NSL1: variants seen among roughly 807,000 people sequenced by gnomAD.
The protein encoded by NSL1 is kinetochore-associated protein NSL1 homolog.
Under a neutral mutation model 25.4 loss-of-function variants are expected in NSL1, and 11 were observed. That is an observed-to-expected ratio of 0.43 (90% confidence interval 0.27 to 0.72). NSL1 has a LOEUF of 0.72. Ranked by LOEUF, NSL1 falls within the 30% of genes least tolerant of loss-of-function variation. The probability of loss-of-function intolerance (pLI) is 0.19; values close to 1 mark genes in which losing one functional copy is unlikely to be tolerated. For synonymous variants in NSL1, 118 were observed against 120.6 expected (o/e 0.98, Z 0.14); for missense variants, 330 against 342.7 (o/e 0.96, Z 0.29).
chr1:212,766,096 A>C, intron 4 of NSL1: 1 of 424,602 alleles, frequency 2.4e-6, no homozygotes, highest in Non-Finnish European at 4.2e-6. Context: ...AGATCACACC[A>C]CTGCACTCCA....
chr1:212,727,883 TG>T lies in NSL1; in HGVS notation c.*10524del, dbSNP rs1445601544. On this transcript the variant is annotated 3_prime_UTR_variant, in exon 6 of 6. Coordinates refer to ENST00000366977, the MANE Select transcript of NSL1 (RefSeq NM_015471.4). ...AAAAATGTTTGTTGATACTCTCTGT[TG>T]CTATGTGTCATTGAAAAAAAATGAG... 1.0e-6 allele frequency: 1 copy of T among 985,260 alleles called. No homozygotes were observed. Among genetic ancestry groups the T allele is most frequent in the African/African-American group, 1.7e-5 (1 of 57,240 alleles). The allele number at this position is 985,260 out of a possible 1,614,324, so 61.0% of individuals were successfully genotyped here.
chr1:212,727,279 C>T lies in NSL1; in HGVS notation c.*11129G>A, dbSNP rs1657828677. 7.3e-7 allele frequency: 1 copy of T among 1,361,168 alleles called. No homozygotes were observed. Among genetic ancestry groups the T allele is most frequent in the Non-Finnish European group, 9.5e-7 (1 of 1,050,350 alleles). 84.3% of individuals were successfully genotyped at this position (1,361,168 alleles called of 1,614,324 possible). The stretch of plus-strand genomic sequence containing the variant: ...TGCCTTGAGACTCAGAGCTGTTTCA[C>T]AACCCTTTGTTCCAGGCAGGGCCCA... On this transcript the variant is annotated 3_prime_UTR_variant, in exon 6 of 6. Transcript: ENST00000366977.
rs1347040978 is a variant in NSL1, at chr1:212,728,036, CATGGT to C, written c.*10367_*10371del. 1.0e-6 allele frequency: 1 copy of C among 985,424 alleles called. No individual in the cohort carries two copies. The highest frequency in any genetic ancestry group is 1.1e-4 in the East Asian group (1 of 8,814). The allele number at this position is 985,424 out of a possible 1,614,324, so 61.0% of individuals were successfully genotyped here. A position where few individuals can be genotyped will look rare whatever the true frequency, so the allele number is the denominator to read the frequency against. On this transcript the variant is annotated 3_prime_UTR_variant, in exon 6 of 6. Transcript: ENST00000366977. The stretch of plus-strand genomic sequence containing the variant: ...GGTCAGAAGGCCTCGCTCTGCTCTA[CATGGT>C]CTATAGACCGCTGGGAAGGTGGCCA...
At chr1:212,779,510 G>T (rs1660587543) in intron 4 of NSL1, among the ~76,000 whole-genome samples, 1 of 118,398 alleles carries the variant, frequency 8.4e-6, no homozygotes, top group Non-Finnish European at 1.8e-5. Flanking sequence ...AGGGAGGTGG[G>T]GGGGTCAGCC....
chr1:212,732,192 T>C lies in NSL1; in HGVS notation c.*6216A>G. 2.0e-6 allele frequency: 2 copies of C among 984,414 alleles called. No individual in the cohort carries two copies. Among genetic ancestry groups the C allele is most frequent in the African/African-American group, 1.7e-5 (1 of 57,334 alleles). The allele number at this position is 984,414 out of a possible 1,614,324, so 61.0% of individuals were successfully genotyped here. A position where few individuals can be genotyped will look rare whatever the true frequency, so the allele number is the denominator to read the frequency against. On this transcript the variant is annotated 3_prime_UTR_variant, in exon 6 of 6. Coordinates refer to ENST00000366977, the MANE Select transcript of NSL1 (RefSeq NM_015471.4). ...AATAACTGCCTTATTTTTTGTTTCT[T>C]TGAACATCTTAATCATATTACAAAA...
intron 1 of NSL1, 39 bp downstream of exon 1, chr1:212,791,489 AAG>A (rs755165248): frequency 2.0e-6 from 3 of 1,535,414 alleles, no homozygotes. Flanking sequence ...GGTGTTGGGT[AAG>A]AGGATGATGA....
chr1:212,791,383 T>A, intron 1 of NSL1, 147 bp downstream of exon 1: 1 of 738,008 alleles, frequency 1.4e-6, no homozygotes, highest in East Asian at 2.5e-5. Context: ...TATTTCTTTC[T>A]CCTCTAGCGT....
Position 212,731,019 on chromosome 1 carries a change from A to T in NSL1, c.*7389T>A. On this transcript the variant is annotated 3_prime_UTR_variant, in exon 6 of 6. Coordinates refer to ENST00000366977, the MANE Select transcript of NSL1 (RefSeq NM_015471.4). ...ATGTAGAGACACAGCAACGAATTAC[A>T]AGGGATTCTTTACCCCTGAAGCTTC... 1.0e-6 allele frequency: 1 copy of T among 985,442 alleles called. No homozygotes were observed. Among genetic ancestry groups the T allele is most frequent in the Non-Finnish European group, 1.2e-6 (1 of 829,926 alleles). The allele number at this position is 985,442 out of a possible 1,614,324, so 61.0% of individuals were successfully genotyped here.
intron 4 of NSL1, among the ~76,000 whole-genome samples, chr1:212,769,593 C>T (rs975459285): frequency 2.6e-5 from 4 of 152,110 alleles, no homozygotes; most frequent in African/African-American, 9.7e-5. Context: ...ACTGCTAGAC[C>T]AGCCCTCCAA....
At chr1:212,761,717 C>T (rs1211895712) in intron 4 of NSL1, among the ~76,000 whole-genome samples, 5 of 151,992 alleles carry the variant, frequency 3.3e-5, no homozygotes, top group Admixed American at 3.3e-4. Flanking sequence ...TCCAAGAGAA[C>T]ACAGACAAAC....
chr1:212,739,351 A>G (rs182223749), intron 5 of NSL1, among the ~76,000 whole-genome samples, 183 bp downstream of exon 5: 1 of 152,340 alleles, frequency 6.6e-6, no homozygotes, highest in African/African-American at 2.4e-5. Flanking sequence ...GGCACATAGT[A>G]GGTACCTGAT....
At chr1:212,751,683 C>G (rs1247879213) in intron 4 of NSL1, among the ~76,000 whole-genome samples, 1 of 148,826 alleles carries the variant, frequency 6.7e-6, no homozygotes, top group Non-Finnish European at 1.5e-5. Flanking sequence ...ACATTTAAAA[C>G]TAAGTAGCAC....
chr1:212,763,161 A>T (rs191644937), intron 4 of NSL1, among the ~76,000 whole-genome samples: 2 of 152,260 alleles, frequency 1.3e-5, no homozygotes, highest in East Asian at 3.9e-4. Flanking sequence ...GAGCTGGGTG[A>T]GGCTCATTGT....
At position 212,737,900 on chromosome 1, in the gene NSL1, T is replaced by C. The variant is rs951311182; in HGVS notation, c.*508A>G. The C allele has an allele frequency of 5.1e-6, 5 of 985,450 alleles. No homozygotes were observed. Among genetic ancestry groups the C allele is most frequent in the Admixed American group, 6.1e-5 (1 of 16,288 alleles). 61.0% of individuals were successfully genotyped at this position (985,450 alleles called of 1,614,324 possible). On this transcript the variant is annotated 3_prime_UTR_variant, in exon 6 of 6. Coordinates refer to ENST00000366977, the MANE Select transcript of NSL1 (RefSeq NM_015471.4). ...AGTAACAAAGTCAAAGCCAGTATTA[T>C]CATCAGCACATTAATTTGATAAATC...
chr1:212,786,566 G>A (rs1255939152), intron 2 of NSL1, among the ~76,000 whole-genome samples: 1 of 152,168 alleles, frequency 6.6e-6, no homozygotes, highest in Non-Finnish European at 1.5e-5. Flanking sequence ...CCAACACTTT[G>A]GGAGGCCAAG....
intron 4 of NSL1, among the ~76,000 whole-genome samples, chr1:212,763,220 C>A (rs1659654065): frequency 6.6e-6 from 1 of 152,164 alleles, no homozygotes; most frequent in Admixed American, 6.5e-5. Context: ...GCAGCAGATG[C>A]AGTTAACTAC....
chr1:212,771,760 T>C (rs1660128152), intron 4 of NSL1, among the ~76,000 whole-genome samples: 2 of 151,724 alleles, frequency 1.3e-5, no homozygotes, highest in African/African-American at 2.4e-5. Context: ...CCATTTATAA[T>C]AGCTATAAAA....
Position 212,729,427 on chromosome 1 carries a change from A to T in NSL1, c.*8981T>A. 1 of 985,276 alleles carries T rather than the reference A, an allele frequency of 1.0e-6. No homozygotes were observed. Among genetic ancestry groups the T allele is most frequent in the Non-Finnish European group, 1.2e-6 (1 of 829,770 alleles). The allele number at this position is 985,276 out of a possible 1,614,324, so 61.0% of individuals were successfully genotyped here. On this transcript the variant is annotated 3_prime_UTR_variant, in exon 6 of 6. Coordinates refer to ENST00000366977, the MANE Select transcript of NSL1 (RefSeq NM_015471.4). ...ATTCATCGAGTATGTGTGTAATAAA[A>T]GGTGTGGCTACGAAAAATCATTTTA...
chr1:212,791,586 G>A lies in NSL1; in HGVS notation c.178C>T (p.Leu60Phe), dbSNP rs757515156. 6.2e-7 allele frequency: 1 copy of A among 1,613,786 alleles called. No individual in the cohort carries two copies. Among genetic ancestry groups the A allele is most frequent in the African/African-American group, 1.3e-5 (1 of 74,908 alleles). Residue 60 changes from leucine (L) to phenylalanine (F), a missense_variant, in exon 1 of 6, where the codon CTC becomes TTC. Transcript: ENST00000366977. Reference protein sequence around the residue: ...LQLCGRFVQKLGDALPEEIRE... With the variant: ...LQLCGRFVQKFGDALPEEIRE... ...ATCTCCTCCGGCAGAGCGTCCCCGA[G>A]CTTTTGCACGAAGCGGCCGCACAGT...
Sources: gnomAD v4.1 joint callset for allele counts (sites outside exome capture counted in the v4.1 genomes callset) on GRCh38, gnomAD v4.1.1 for gene constraint, MANE v1.5 for transcripts, NCBI Gene and HGNC (gene_info 2026-07-23, HGNC 2026-07-21) for gene names.